TAL1: variants seen among roughly 807,000 people sequenced by gnomAD.
TAL1 encodes TAL bHLH transcription factor 1, erythroid differentiation factor.
Under a neutral mutation model 17.9 loss-of-function variants are expected in TAL1, and 8 were observed. The observed-to-expected ratio is 0.45, with a 90% CI of 0.26 to 0.81. TAL1 has a LOEUF of 0.81. Among genes scored for constraint, TAL1 ranks in the 30% least tolerant of loss-of-function variants. The pLI, the probability that TAL1 is intolerant of heterozygous loss-of-function variation, is 0.17. For missense variants in TAL1, 466 were observed against 486.9 expected (o/e 0.96, Z 0.40); for synonymous variants, 223 against 218.6 (o/e 1.02, Z -0.18).
At chr1:47,217,752 T>C (rs1645526457) in exon 4 of TAL1, 1 of 398,610 alleles carries the variant, frequency 2.5e-6, no homozygotes, top group Non-Finnish European at 4.4e-6. Context: ...CACCCATCCA[T>C]ACTGTGGCTA....
chr1:47,219,894 G>GGGCCCCCCCCCCCCCCCCCCC, exon 4 of TAL1: 2 of 1,556,036 alleles, frequency 1.3e-6, no homozygotes, highest in Non-Finnish European at 1.7e-6. Flanking sequence ...CTGGGGGCGC[G>GGGCCCCCCCCCCCCCCCCCCC]CCGCCCCCTC....
intron 1 of TAL1, chr1:47,228,275 C>T (rs571152679): frequency 7.3e-4 from 128 of 174,426 alleles, no homozygotes; most frequent in Non-Finnish European, 1.4e-3. Flanking sequence ...CCAAAGAAGC[C>T]ACTCACAAAC....
At chr1:47,222,092 C>G (rs1347726874) in intron 3 of TAL1, among the ~76,000 whole-genome samples, 1 of 152,226 alleles carries the variant, frequency 6.6e-6, no homozygotes, top group Admixed American at 6.5e-5. Flanking sequence ...TTCAGGCCTC[C>G]AGGCCAGACA....
chr1:47,225,822 C>G lies in TAL1; in HGVS notation c.67G>C (p.Glu23Gln), dbSNP rs755254655. ...AGGTGCGGGGGGGCCATGCTGGCCT[C>G]GGCCGCGTCCCGTCCCTCTAGCTGG... Residue 23 changes from glutamate to glutamine, a missense_variant, in exon 2 of 4, where the codon GAG becomes CAG. Coordinates refer to ENST00000294339, the Ensembl canonical transcript of TAL1. The G allele has an allele frequency of 1.9e-6, 3 of 1,579,992 alleles. No homozygotes were observed. In the South Asian group the frequency reaches 3.3e-5, roughly 18 times the overall value.
At chr1:47,219,958 C>A (rs150044548) in exon 4 of TAL1, 3 of 1,541,290 alleles carry the variant, frequency 1.9e-6, no homozygotes, top group South Asian at 1.2e-5. Flanking sequence ...AGTCTTGGCC[C>A]GCTGGGTGCC....
In TAL1 at chr1:47,225,848, G is replaced by T. The variant is rs778205200; in HGVS notation, c.41C>A (p.Pro14His). Residue 14 changes from proline to histidine, a missense_variant, in exon 2 of 4, where the codon CCC (proline) becomes CAC (histidine). This residue lies in a region of TAL1 where 130 missense variants were observed against 119.5 expected (regional missense o/e 1.09). Transcript: ENST00000294339. ...GGCCGCGTCCCGTCCCTCTAGCTGG[G>T]GGTCACTGCGAGCCGCCTCGCTCGG... 8.2e-6 allele frequency: 13 copies of T among 1,586,450 alleles called. No homozygotes were observed. In the East Asian group the frequency reaches 2.8e-4, roughly 34 times the overall value.
At chr1:47,219,531 C>T (rs1345062680) in exon 4 of TAL1, 2 of 912,084 alleles carry the variant, frequency 2.2e-6, no homozygotes, top group Admixed American at 4.0e-5. Context: ...TTCTGATCTC[C>T]TACTGGTACA....
chr1:47,219,004 T>C (rs1031293822), exon 4 of TAL1: 2 of 281,222 alleles, frequency 7.1e-6, no homozygotes, highest in Non-Finnish European at 1.4e-5. Flanking sequence ...GCTGCAGACA[T>C]TGTCTCCACA....
chr1:47,230,305 T>C (rs1300983526), upstream of TAL1: 1 of 152,236 alleles, frequency 6.6e-6, no homozygotes, highest in Non-Finnish European at 1.5e-5. Context: ...GGATTTTGTT[T>C]AATTTGTTTT....
intron 3 of TAL1, 30 bp downstream of exon 4, chr1:47,223,974 A>T (rs1322671331): frequency 7.5e-6 from 12 of 1,591,726 alleles, no homozygotes; most frequent in Non-Finnish European, 7.8e-6. Flanking sequence ...CGTGAGGGGC[A>T]GGTACAACGG....
intron 3 of TAL1, among the ~76,000 whole-genome samples, chr1:47,221,192 C>G (rs1643796912): frequency 6.6e-6 from 1 of 152,178 alleles, no homozygotes; most frequent in Non-Finnish European, 1.5e-5. Context: ...ACTGACCCAT[C>G]ATGGTGGCAG....
At chr1:47,217,637 C>T in exon 4 of TAL1, 1 of 398,538 alleles carries the variant, frequency 2.5e-6, no homozygotes, top group East Asian at 3.6e-5. Context: ...ACACCATAGC[C>T]CTAGGAGATA....
intron 2 of TAL1, 25 bp downstream of exon 3, chr1:47,225,417 CT>C: frequency 8.3e-7 from 1 of 1,202,928 alleles, no homozygotes; most frequent in Non-Finnish European, 1.0e-6. Flanking sequence ...CGCCCAGCCC[CT>C]GGCCCCTGGC....
chr1:47,224,080 C>T (rs747127107), exon 3 of TAL1: 23 of 1,613,806 alleles, frequency 1.4e-5, no homozygotes, highest in Non-Finnish European at 1.8e-5. Flanking sequence ...GGAAGGCATC[C>T]GGCTCCCCAA....
Position 47,225,975 on chromosome 1 carries a change from G to T in TAL1, c.-1-86C>A. 4 of 1,378,114 alleles carry T rather than the reference G, an allele frequency of 2.9e-6. No individual in the cohort carries two copies. In the South Asian group the frequency reaches 5.6e-5, roughly 19 times the overall value. The allele number at this position is 1,378,114 out of a possible 1,614,324, so 85.4% of individuals were successfully genotyped here. On this transcript the variant is annotated intron_variant, in intron 1 of 3. Coordinates refer to ENST00000294339, the Ensembl canonical transcript of TAL1. Reference sequence around the variant, plus strand: ...CGTGGGCTGGGGTAAAGGGGAGAAGGGCAGAGAGAGGAACTCACGCACCGA... The same window carrying T: ...CGTGGGCTGGGGTAAAGGGGAGAAGTGCAGAGAGAGGAACTCACGCACCGA...
At chr1:47,226,663 G>C (rs989143100) in intron 1 of TAL1, among the ~76,000 whole-genome samples, 2 of 152,230 alleles carry the variant, frequency 1.3e-5, no homozygotes, top group African/African-American at 4.8e-5. Context: ...AGGTCGCCAA[G>C]GGAAGAAGAT....
In TAL1 at chr1:47,223,983, G is replaced by A. The variant is rs747223023; in HGVS notation, c.541+21C>T. On this transcript the variant is annotated intron_variant, in intron 3 of 3. Coordinates refer to ENST00000294339, the Ensembl canonical transcript of TAL1. ...AACCAGCGTGAGGGGCAGGTACAACGGTGGGGTGGGGCAGACTCACCATCA... is the reference window on the plus strand; with the variant it reads ...AACCAGCGTGAGGGGCAGGTACAACAGTGGGGTGGGGCAGACTCACCATCA... The A allele has an allele frequency of 2.5e-5, 40 of 1,609,302 alleles. 1 individual carries two copies. The South Asian group carries it at 3.6e-4, about 15-fold the overall frequency.
At chr1:47,220,094 C>T (rs375935172) in exon 4 of TAL1, 6 of 1,612,938 alleles carry the variant, frequency 3.7e-6, no homozygotes, top group Non-Finnish European at 5.1e-6. Context: ...CGGAGCTCGG[C>T]AAAGGCCCCG....
chr1:47,231,537 GA>G (rs1644014259), upstream of TAL1: 2 of 233,754 alleles, frequency 8.6e-6, no homozygotes, highest in Non-Finnish European at 8.4e-6. Flanking sequence ...AGGACACAAC[GA>G]AATCAGTCAA....
Sources: allele counts gnomAD v4.1 joint callset (sites outside exome capture counted in the v4.1 genomes callset), GRCh38; gene constraint gnomAD v4.1.1; regional missense constraint gnomAD v4.1.1; transcripts MANE v1.5; gene names NCBI Gene and HGNC (gene_info 2026-07-23, HGNC 2026-07-21).